Variants in ADAMTS6 observed in about 807,000 individuals in gnomAD.
ADAMTS6 encodes ADAM metallopeptidase with thrombospondin type 1 motif 6.
A neutral mutation model predicts 144.3 loss-of-function variants in ADAMTS6; 23 were observed. That is an observed-to-expected ratio of 0.16 (90% CI 0.11 to 0.23). The LOEUF (loss-of-function observed/expected upper bound fraction) is 0.23. Among genes scored for constraint, ADAMTS6 ranks in the 10% least tolerant of loss-of-function variants. The pLI is 1.00. For synonymous variants in ADAMTS6, 444 were observed against 457.5 expected (o/e 0.97, Z 0.38); for missense variants, 999 against 1,379.6 (o/e 0.72, Z 4.37).
At chr5:65,258,559 AG>A (rs1051786018) in intron 14 of ADAMTS6, among the ~76,000 whole-genome samples, 1 of 152,208 alleles carries the variant, frequency 6.6e-6, no homozygotes, top group African/African-American at 2.4e-5. Flanking sequence ...TGGATAGCAA[AG>A]GGGAATCCTC....
At chr5:65,449,341 C>T (rs142544820) in intron 7 of ADAMTS6, among the ~76,000 whole-genome samples, 1 of 152,144 alleles carries the variant, frequency 6.6e-6, no homozygotes, top group Non-Finnish European at 1.5e-5. Context: ...TTGGGCCAGG[C>T]GCGGTGGCTC....
At chr5:65,226,333 G>A in intron 15 of ADAMTS6, 114 bp from the exon 16 acceptor site, 4 of 1,074,948 alleles carry the variant, frequency 3.7e-6, no homozygotes, top group Non-Finnish European at 5.1e-6. Flanking sequence ...CTGCTTATAT[G>A]CCTGATTGTG....
chr5:65,194,024 A>C (rs926944644), intron 21 of ADAMTS6, among the ~76,000 whole-genome samples: 2 of 152,200 alleles, frequency 1.3e-5, no homozygotes, highest in Admixed American at 1.3e-4. Context: ...ACAGTGGTTT[A>C]TAGGTTTTTT....
At chr5:65,346,217 T>C (rs1017791282) in intron 7 of ADAMTS6, among the ~76,000 whole-genome samples, 4 of 151,854 alleles carry the variant, frequency 2.6e-5, no homozygotes, top group African/African-American at 9.7e-5. Flanking sequence ...ATAACACTCA[T>C]TGATATAGAT....
chr5:65,203,033 C>T (rs1755839592), intron 20 of ADAMTS6, among the ~76,000 whole-genome samples: 1 of 152,132 alleles, frequency 6.6e-6, no homozygotes, highest in Non-Finnish European at 1.5e-5. Context: ...GTCTGCTTTT[C>T]CTCTGTATTC....
chr5:65,359,257 C>G (rs1263761955), intron 7 of ADAMTS6, among the ~76,000 whole-genome samples: 1 of 151,922 alleles, frequency 6.6e-6, no homozygotes, highest in Admixed American at 6.6e-5. Context: ...ATGATATGAA[C>G]GACATTTCTC....
chr5:65,273,558 T>C, intron 11 of ADAMTS6, 111 bp from the exon 12 acceptor site: 1 of 807,482 alleles, frequency 1.2e-6, no homozygotes, highest in Non-Finnish European at 2.0e-6. Flanking sequence ...TGGGTACCTT[T>C]TGCTGCTGAA....
intron 7 of ADAMTS6, among the ~76,000 whole-genome samples, chr5:65,382,526 T>C (rs1223935264): frequency 6.6e-6 from 1 of 152,232 alleles, no homozygotes; most frequent in Non-Finnish European, 1.5e-5. Context: ...TATCCTTGCA[T>C]AAAGCACTTA....
At chr5:65,347,127 C>A (rs1265746055) in intron 7 of ADAMTS6, among the ~76,000 whole-genome samples, 1 of 151,758 alleles carries the variant, frequency 6.6e-6, no homozygotes, top group African/African-American at 2.4e-5. Flanking sequence ...CTTTCCAAAG[C>A]AATCTACAGA....
At chr5:65,352,503 C>T (rs983215649) in intron 7 of ADAMTS6, among the ~76,000 whole-genome samples, 3 of 151,954 alleles carry the variant, frequency 2.0e-5, no homozygotes, top group African/African-American at 2.4e-5. Context: ...TAATTATATA[C>T]TATAATACTT....
At chr5:65,335,196 T>C (rs1486906521) in intron 7 of ADAMTS6, among the ~76,000 whole-genome samples, 1 of 152,152 alleles carries the variant, frequency 6.6e-6, no homozygotes, top group Non-Finnish European at 1.5e-5. Flanking sequence ...CCTCTGTCTA[T>C]CTTTAGAATT....
chr5:65,160,520 G>GGTCTCA (rs1752699347), intron 24 of ADAMTS6, among the ~76,000 whole-genome samples: 1 of 151,994 alleles, frequency 6.6e-6, no homozygotes, highest in South Asian at 2.1e-4. Context: ...TAGGCAGGAT[G>GGTCTCA]GTCTCAATCT....
intron 7 of ADAMTS6, among the ~76,000 whole-genome samples, chr5:65,447,026 A>C (rs902843052): frequency 1.3e-5 from 2 of 152,170 alleles, no homozygotes; most frequent in African/African-American, 4.8e-5. Context: ...CCCTAAATAT[A>C]AACTGTTACG....
At chr5:65,169,981 A>G (rs1327898967) in intron 24 of ADAMTS6, among the ~76,000 whole-genome samples, 1 of 151,944 alleles carries the variant, frequency 6.6e-6, no homozygotes, top group Non-Finnish European at 1.5e-5. Flanking sequence ...GCACATGTAT[A>G]CATATGTAAC....
At chr5:65,320,143 A>G (rs1745465102) in intron 9 of ADAMTS6, among the ~76,000 whole-genome samples, 1 of 152,166 alleles carries the variant, frequency 6.6e-6, no homozygotes, top group African/African-American at 2.4e-5. Context: ...GCGCCTGGCC[A>G]CCAAAAGATG....
At chr5:65,159,941 G>A (rs568614770) in intron 24 of ADAMTS6, among the ~76,000 whole-genome samples, 1 of 152,334 alleles carries the variant, frequency 6.6e-6, no homozygotes, top group East Asian at 1.9e-4. Context: ...GCCATTAAAA[G>A]TAATATAATC....
chr5:65,260,560 A>G (rs1213946916), intron 14 of ADAMTS6, 40 bp downstream of exon 14: 5 of 1,572,562 alleles, frequency 3.2e-6, no homozygotes, highest in Admixed American at 3.4e-5. Context: ...CTAGGGAAAG[A>G]GTAAGCTAAT....
At chr5:65,463,712 A>G (rs973762305) in intron 3 of ADAMTS6, among the ~76,000 whole-genome samples, 7 of 152,096 alleles carry the variant, frequency 4.6e-5, no homozygotes, top group African/African-American at 1.7e-4. Context: ...ATTATTTGAA[A>G]CACTTCTACT....
At chr5:65,348,226 A>T (rs1457225738) in intron 7 of ADAMTS6, among the ~76,000 whole-genome samples, 2 of 152,114 alleles carry the variant, frequency 1.3e-5, no homozygotes, top group African/African-American at 2.4e-5. Context: ...ATTGTGGGGT[A>T]ATTCACAGTA....
Sources: allele counts gnomAD v4.1 joint callset (sites outside exome capture counted in the v4.1 genomes callset), GRCh38; gene constraint gnomAD v4.1.1; transcripts MANE v1.5; gene names NCBI Gene and HGNC (gene_info 2026-07-23, HGNC 2026-07-21).